The following NELL1 variants were observed in gnomAD, a reference collection of about 807,000 sequenced individuals.
NELL1 encodes neural EGFL like 1.
Under a neutral mutation model 107.4 loss-of-function variants are expected in NELL1, and 76 were observed. The ratio of observed to expected loss-of-function variants is 0.71; its 90% CI spans 0.59 to 0.86. The LOEUF (loss-of-function observed/expected upper bound fraction) is 0.86. Ranked by LOEUF, NELL1 falls within the 40% of genes least tolerant of loss-of-function variation. The pLI, the probability that NELL1 is intolerant of heterozygous loss-of-function variation, is 0.00. For missense variants in NELL1, 1,024 were observed against 1,005.5 expected (o/e 1.02, Z -0.25); for synonymous variants, 353 against 341.2 (o/e 1.03, Z -0.38).
At chr11:20,848,732 A>T (rs1027661164) in intron 4 of NELL1, among the ~76,000 whole-genome samples, 1 of 152,200 alleles carries the variant, frequency 6.6e-6, no homozygotes, top group Non-Finnish European at 1.5e-5. Context: ...TTCCAAGGTC[A>T]GTCAGCTTCA....
At chr11:20,720,333 G>A (rs542889600) in intron 2 of NELL1, among the ~76,000 whole-genome samples, 2 of 150,950 alleles carry the variant, frequency 1.3e-5, no homozygotes, top group South Asian at 4.2e-4. Context: ...TCAGCCTCCC[G>A]AGTAGCTGGG....
chr11:21,006,727 A>C (rs1477221478), intron 12 of NELL1, among the ~76,000 whole-genome samples: 1 of 152,092 alleles, frequency 6.6e-6, no homozygotes, highest in Non-Finnish European at 1.5e-5. Flanking sequence ...CTTCAACTAC[A>C]TCATGTTTAT....
At position 20,895,479 on chromosome 11, in the gene NELL1, A is replaced by G. The variant is rs116297906; in HGVS notation, c.603+9939A>G. Among the ~76,000 whole-genome samples the G allele has an allele frequency of 4.8e-3, 700 of 145,512 alleles. 8 individuals are homozygous for G. The highest frequency in any genetic ancestry group is 0.017 in the African/African-American group (671 of 39,866). ...TATTCAAATTTTTTAGCTCCCACAT[A>G]TAAGTGAGAACATGTGATATTTGCC... On this transcript the variant is annotated intron_variant, in intron 5 of 19. Coordinates refer to ENST00000357134, the MANE Select transcript of NELL1 (RefSeq NM_006157.5).
chr11:21,169,733 A>T, intron 13 of NELL1: 2 of 866,568 alleles, frequency 2.3e-6, no homozygotes, highest in Non-Finnish European at 3.5e-6. Flanking sequence ...AGAAGTAGTC[A>T]TGTGACCAGT....
intron 2 of NELL1, among the ~76,000 whole-genome samples, chr11:20,776,739 T>C (rs1233125210): frequency 6.6e-6 from 1 of 151,928 alleles, no homozygotes; most frequent in African/African-American, 2.4e-5. Flanking sequence ...GTTAGGCTTG[T>C]GGTGCTAGAA....
chr11:21,319,518 T>TATATA (rs1565165685), intron 14 of NELL1, among the ~76,000 whole-genome samples: 1 of 112,848 alleles, frequency 8.9e-6, no homozygotes, highest in East Asian at 2.9e-4. Flanking sequence ...ATATATATAT[T>TATATA]TTTAGTAGAG....
chr11:21,256,202 G>T (rs193213574), intron 14 of NELL1, among the ~76,000 whole-genome samples: 2 of 151,980 alleles, frequency 1.3e-5, no homozygotes, highest in East Asian at 3.9e-4. Flanking sequence ...CTTTCACTTT[G>T]TACCTATATG....
chr11:21,289,508 C>T (rs1404746274), intron 14 of NELL1, among the ~76,000 whole-genome samples: 3 of 152,206 alleles, frequency 2.0e-5, no homozygotes, highest in South Asian at 2.1e-4. Flanking sequence ...CCATGGTCTT[C>T]GCAACTTGCA....
At chr11:20,870,020 T>A (rs1174050071) in intron 4 of NELL1, among the ~76,000 whole-genome samples, 1 of 152,200 alleles carries the variant, frequency 6.6e-6, no homozygotes, top group East Asian at 1.9e-4. Context: ...GGAAAATCAG[T>A]AAACATTCAG....
chr11:20,909,102 C>T (rs1850068797), intron 5 of NELL1, among the ~76,000 whole-genome samples: 1 of 152,094 alleles, frequency 6.6e-6, no homozygotes, highest in East Asian at 1.9e-4. Flanking sequence ...TTTAATTCCA[C>T]TTATATGAAA....
chr11:21,515,745 C>T (rs1273848177), intron 15 of NELL1, among the ~76,000 whole-genome samples: 1 of 152,126 alleles, frequency 6.6e-6, no homozygotes, highest in Non-Finnish European at 1.5e-5. Context: ...CATTTCACAT[C>T]AAAAAGACTC....
At chr11:21,198,468 G>C (rs956599137) in intron 13 of NELL1, among the ~76,000 whole-genome samples, 8 of 152,178 alleles carry the variant, frequency 5.3e-5, no homozygotes, top group African/African-American at 1.9e-4. Flanking sequence ...TGGAAAATCT[G>C]CCACAGACAC....
chr11:21,326,074 TTTTTTTTG>T (rs1369550653), intron 14 of NELL1, among the ~76,000 whole-genome samples: 4 of 85,150 alleles, frequency 4.7e-5, no homozygotes, highest in South Asian at 4.2e-4. Flanking sequence ...TTTTTTTTTT[TTTTTTTTG>T]GGCTATTTTG....
At chr11:21,068,521 TTGCTATA>T (rs979914739) in intron 12 of NELL1, among the ~76,000 whole-genome samples, 1 of 152,196 alleles carries the variant, frequency 6.6e-6, no homozygotes, top group Non-Finnish European at 1.5e-5. Flanking sequence ...GAATAGGAAC[TTGCTATA>T]TTAGTCTGAT....
intron 18 of NELL1, among the ~76,000 whole-genome samples, chr11:21,571,515 T>C (rs985407754): frequency 6.6e-6 from 1 of 151,808 alleles, no homozygotes; most frequent in Non-Finnish European, 1.5e-5. Flanking sequence ...TTACAAGATA[T>C]GTAAGAAGGA....
At chr11:21,422,955 T>C (rs961511111) in intron 15 of NELL1, among the ~76,000 whole-genome samples, 4 of 152,298 alleles carry the variant, frequency 2.6e-5, no homozygotes, top group Non-Finnish European at 2.9e-5. Context: ...AGACTCATTA[T>C]AGATCCAAAG....
intron 15 of NELL1, among the ~76,000 whole-genome samples, chr11:21,447,159 C>G (rs140428571): frequency 7.4e-4 from 112 of 152,246 alleles, no homozygotes; most frequent in Middle Eastern, 6.8e-3. Context: ...CTGGGATTCA[C>G]CCTTCAGAGC....
At chr11:21,092,420 G>A (rs565755267) in intron 12 of NELL1, among the ~76,000 whole-genome samples, 2 of 152,238 alleles carry the variant, frequency 1.3e-5, no homozygotes, top group Admixed American at 6.5e-5. Context: ...AATGAATAAA[G>A]ATACTATTAC....
At chr11:20,996,608 G>A (rs1353659640) in intron 12 of NELL1, among the ~76,000 whole-genome samples, 1 of 152,158 alleles carries the variant, frequency 6.6e-6, no homozygotes, top group Non-Finnish European at 1.5e-5. Flanking sequence ...GGTGGGGATG[G>A]GAAACTCTGG....
Sources: allele counts gnomAD v4.1 joint callset (sites outside exome capture counted in the v4.1 genomes callset), GRCh38; gene constraint gnomAD v4.1.1; transcripts MANE v1.5; gene names NCBI Gene and HGNC (gene_info 2026-07-23, HGNC 2026-07-21).